Variants in DOCK5 observed in about 807,000 individuals in gnomAD.
DOCK5 encodes dedicator of cytokinesis protein 5.
In DOCK5, 142 loss-of-function variants were observed where a neutral mutation model predicts 251.8. The ratio of observed to expected loss-of-function variants is 0.56; its 90% CI spans 0.49 to 0.65. The LOEUF (loss-of-function observed/expected upper bound fraction) is 0.65, where lower values mean the gene tolerates loss of function less well. Among genes scored for constraint, DOCK5 ranks in the 30% least tolerant of loss-of-function variants. The pLI is 0.00. For synonymous variants in DOCK5, 842 were observed against 835.5 expected, an observed-to-expected ratio of 1.01 and a Z score of -0.13; for missense variants, 2,111 against 2,312.3, an observed-to-expected ratio of 0.91 and a Z score of 1.79.
intron 4 of DOCK5, 72 bp downstream of exon 4, chr8:25,275,513 G>A (rs1303372090): frequency 6.3e-6 from 9 of 1,429,048 alleles, no homozygotes; most frequent in South Asian, 1.2e-5. Context: ...TAATCTTTAG[G>A]CATTAATGCC....
At chr8:25,259,899 T>C (rs1803527627) in intron 2 of DOCK5, among the ~76,000 whole-genome samples, 1 of 152,254 alleles carries the variant, frequency 6.6e-6, no homozygotes, top group Non-Finnish European at 1.5e-5. Flanking sequence ...TACAAAAGAA[T>C]AGAATCATCT....
chr8:25,264,282 AT>A lies in DOCK5; in HGVS notation c.128-4562del, dbSNP rs1409140407. On this transcript the variant is annotated intron_variant, in intron 2 of 51. Coordinates refer to ENST00000276440, the MANE Select transcript of DOCK5 (RefSeq NM_024940.8). ...GGTCGGGGTTGGGTGCTGAGGTGGG[AT>A]CCATGGAGCTGGGGTGGCGGAGGTT... Among the ~76,000 whole-genome samples the A allele has an allele frequency of 4.6e-5, 7 of 151,706 alleles. No homozygotes were observed. In the East Asian group the frequency reaches 1.4e-3, roughly 29 times the overall value.
intron 37 of DOCK5, chr8:25,375,118 T>G: frequency 2.0e-6 from 1 of 494,230 alleles, no homozygotes; most frequent in Non-Finnish European, 2.7e-6. Flanking sequence ...GCACCTTCTC[T>G]AACTTTGGAT....
chr8:25,307,532 T>C lies in DOCK5; in HGVS notation c.1050-1251T>C, dbSNP rs141061352. On this transcript the variant is annotated intron_variant, in intron 11 of 51. Coordinates refer to ENST00000276440, the MANE Select transcript of DOCK5 (RefSeq NM_024940.8). ...AAATATAAATGTACCATATATATTA[T>C]AGTACTATGAATGTGTTATATTTGT... Among the ~76,000 whole-genome samples the C allele has an allele frequency of 3.3e-5, 5 of 152,318 alleles. No individual in the cohort carries two copies. In the East Asian group the frequency reaches 9.6e-4, roughly 29 times the overall value.
At chr8:25,318,580 T>C (rs897790477) in intron 14 of DOCK5, among the ~76,000 whole-genome samples, 2 of 104,008 alleles carry the variant, frequency 1.9e-5, no homozygotes, top group African/African-American at 7.5e-5. Context: ...TTCTTTTCCA[T>C]TTTCTTTCCT....
At chr8:25,268,955 C>T (rs1035056974) in intron 3 of DOCK5, 70 bp downstream of exon 3, 5 of 1,325,682 alleles carry the variant, frequency 3.8e-6, no homozygotes, top group Admixed American at 4.5e-5. Flanking sequence ...TGCTATGTGA[C>T]CCTCTCCTCT....
chr8:25,402,053 C>T (rs760095303), intron 47 of DOCK5, among the ~76,000 whole-genome samples: 7 of 152,144 alleles, frequency 4.6e-5, no homozygotes, highest in Non-Finnish European at 8.8e-5. Context: ...TGGTGTAATA[C>T]GTTCTAGCTC....
At chr8:25,246,765 G>A (rs1019453039) in intron 2 of DOCK5, among the ~76,000 whole-genome samples, 2 of 144,770 alleles carry the variant, frequency 1.4e-5, no homozygotes, top group African/African-American at 5.7e-5. Context: ...TGGCGGGGGC[G>A]GGGTGGGGCA....
At chr8:25,208,697 C>T (rs1004816509) in intron 1 of DOCK5, among the ~76,000 whole-genome samples, 65 of 152,132 alleles carry the variant, frequency 4.3e-4, no homozygotes, top group African/African-American at 1.4e-3. Flanking sequence ...CACAGGGGAA[C>T]CGAAAAATTT....
chr8:25,286,664 G>GTT (rs138603711), intron 5 of DOCK5, among the ~76,000 whole-genome samples: 1 of 147,598 alleles, frequency 6.8e-6, no homozygotes, highest in Non-Finnish European at 1.5e-5. Context: ...TCTCTTTTTT[G>GTT]TTTTTTTTTT....
At chr8:25,401,129 A>AT in intron 47 of DOCK5, 63 bp downstream of exon 47, 1 of 1,587,542 alleles carries the variant, frequency 6.3e-7, no homozygotes, top group Non-Finnish European at 8.6e-7. Flanking sequence ...TATGACACTG[A>AT]TTCGTTTTTC....
At chr8:25,220,600 C>G (rs1453963870) in intron 1 of DOCK5, among the ~76,000 whole-genome samples, 1 of 152,092 alleles carries the variant, frequency 6.6e-6, no homozygotes, top group Non-Finnish European at 1.5e-5. Flanking sequence ...CGGAACATCT[C>G]TCATTCAGTT....
In DOCK5 at chr8:25,363,077, A is replaced by G. The variant is rs1284246999; in HGVS notation, c.2980A>G (p.Lys994Glu). 2 of 1,613,890 alleles carry G rather than the reference A, an allele frequency of 1.2e-6. No homozygotes were observed. Among genetic ancestry groups the G allele is most frequent in the Non-Finnish European group, 1.7e-6 (2 of 1,179,886 alleles). Residue 994 changes from lysine to glutamate, a missense_variant, in exon 29 of 52, where the codon AAG becomes GAG. Coordinates refer to ENST00000276440, the MANE Select transcript of DOCK5 (RefSeq NM_024940.8). ...CCTCATGGAAACTTTTATCATGTTCAAGGACCTGATTGGAAAGAATGTCTA... is the reference window on the plus strand; with the variant it reads ...CCTCATGGAAACTTTTATCATGTTCGAGGACCTGATTGGAAAGAATGTCTA... The part of the protein sequence containing the change: ...DFLMETFIMF[K>E]DLIGKNVYAK...
chr8:25,301,598 C>T (rs184278007), intron 9 of DOCK5, among the ~76,000 whole-genome samples: 33 of 151,858 alleles, frequency 2.2e-4, no homozygotes, highest in African/African-American at 8.0e-4. Flanking sequence ...GGCGCGGTGG[C>T]TCATGTCTGT....
intron 22 of DOCK5, 53 bp downstream of exon 22, chr8:25,336,426 CT>C (rs1438488752): frequency 4.4e-6 from 7 of 1,597,014 alleles, no homozygotes; most frequent in Non-Finnish European, 5.1e-6. Flanking sequence ...ACTCTGTGTG[CT>C]TTTTCCCTCA....
intron 5 of DOCK5, among the ~76,000 whole-genome samples, chr8:25,289,036 G>T (rs1245771488): frequency 6.6e-6 from 1 of 152,134 alleles, no homozygotes; most frequent in Non-Finnish European, 1.5e-5. Context: ...TCTTTCCTTT[G>T]TGTTGCCACA....
At chr8:25,359,175 C>T (rs549636064) in intron 28 of DOCK5, 114 bp downstream of exon 28, 170 of 825,334 alleles carry the variant, frequency 2.1e-4, no homozygotes, top group Middle Eastern at 1.9e-3. Flanking sequence ...ACCTCCGGTG[C>T]TATGTGGCTG....
chr8:25,215,888 C>T (rs538702024), intron 1 of DOCK5, among the ~76,000 whole-genome samples: 1 of 150,928 alleles, frequency 6.6e-6, no homozygotes, highest in East Asian at 1.9e-4. Flanking sequence ...AAAAGTAACA[C>T]CTCTCAGATT....
intron 27 of DOCK5, among the ~76,000 whole-genome samples, chr8:25,355,518 C>T (rs1338159913): frequency 1.3e-5 from 2 of 152,110 alleles, no homozygotes; most frequent in Admixed American, 6.5e-5. Context: ...GGTGCTATCT[C>T]GGCTCACTGC....
Sources: allele counts gnomAD v4.1 joint callset (sites outside exome capture counted in the v4.1 genomes callset), GRCh38; gene constraint gnomAD v4.1.1; transcripts MANE v1.5; gene names NCBI Gene and HGNC (gene_info 2026-07-23, HGNC 2026-07-21).